SPECC1: variants seen among roughly 807,000 people sequenced by gnomAD.
The protein encoded by SPECC1 is cytospin-B.
SPECC1 carries 62 observed loss-of-function variants against 104.1 expected under a neutral mutation model. The ratio of observed to expected loss-of-function variants is 0.60; its 90% confidence interval spans 0.49 to 0.74. The LOEUF is 0.74. Ranked by LOEUF, SPECC1 falls within the 30% of genes least tolerant of loss-of-function variation. SPECC1 has a pLI of 0.00. For synonymous variants in SPECC1, 513 were observed against 501.6 expected (o/e 1.02, Z -0.30); for missense variants, 1,306 against 1,310.5 (o/e 1.00, Z 0.05).
chr17:20,312,292 A>G (rs2041953577), intron 14 of SPECC1, among the ~76,000 whole-genome samples: 1 of 152,238 alleles, frequency 6.6e-6, no homozygotes, highest in Non-Finnish European at 1.5e-5. Flanking sequence ...CATGCACTAT[A>G]AGATTGTTAC....
chr17:20,254,735 C>T (rs1241013414), intron 10 of SPECC1, among the ~76,000 whole-genome samples: 2 of 149,922 alleles, frequency 1.3e-5, no homozygotes, highest in African/African-American at 5.1e-5. Context: ...AGCCAAAAGT[C>T]TGGGTCACAT....
intron 2 of SPECC1, among the ~76,000 whole-genome samples, chr17:20,101,877 AT>A (rs2047962374): frequency 6.6e-6 from 1 of 152,226 alleles, no homozygotes; most frequent in Non-Finnish European, 1.5e-5. Flanking sequence ...AGATTATGTT[AT>A]GTCTGATGAT....
intron 1 of SPECC1, among the ~76,000 whole-genome samples, chr17:20,080,708 G>C (rs2046936322): frequency 6.6e-6 from 1 of 152,144 alleles, no homozygotes; most frequent in Admixed American, 6.5e-5. Context: ...CATAGGGAAA[G>C]GAAGTCCTCC....
intron 3 of SPECC1, among the ~76,000 whole-genome samples, chr17:20,113,574 A>G (rs940852964): frequency 3.3e-5 from 5 of 152,230 alleles, no homozygotes; most frequent in Non-Finnish European, 7.3e-5. Context: ...TTTACTTTTT[A>G]GAACAAAACA....
chr17:20,261,536 C>A (rs566173314), intron 12 of SPECC1, among the ~76,000 whole-genome samples: 2 of 151,136 alleles, frequency 1.3e-5, no homozygotes, highest in South Asian at 4.2e-4. Context: ...GACACAAGCT[C>A]CCCGAGCAGT....
At chr17:20,301,654 T>TA (rs2041588113) in intron 13 of SPECC1, among the ~76,000 whole-genome samples, 1 of 152,110 alleles carries the variant, frequency 6.6e-6, no homozygotes, top group South Asian at 2.1e-4. Flanking sequence ...AGTAAAGAGA[T>TA]ATATGATCAC....
At chr17:20,160,733 A>G (rs952688353) in intron 3 of SPECC1, among the ~76,000 whole-genome samples, 1 of 152,164 alleles carries the variant, frequency 6.6e-6, no homozygotes, top group African/African-American at 2.4e-5. Context: ...ATGAAATGGT[A>G]GTTACCTCTA....
In SPECC1 at chr17:20,205,719, AT is replaced by A; in HGVS notation, c.1673del (p.Leu558CysfsTer27). 1 of 1,614,196 alleles carries A rather than the reference AT, an allele frequency of 6.2e-7. No individual in the cohort carries two copies. Among genetic ancestry groups the A allele is most frequent in the Non-Finnish European group, 8.5e-7 (1 of 1,180,022 alleles). ...ATGGAGAATGGATCTTTGAAGTCTC[AT>A]TTGCAGGGTGAGAAGCAGAAAGCCA... ...LKMENGSLKS[H>X]LQGEKQKATE... On this transcript the variant is annotated frameshift_variant, in exon 4 of 15. Transcript: ENST00000395527. LOFTEE classifies it high-confidence loss of function.
At chr17:20,260,069 C>T (rs545377123) in intron 11 of SPECC1, 123 bp from the exon 12 acceptor site, 2 of 659,724 alleles carry the variant, frequency 3.0e-6, no homozygotes, top group African/African-American at 3.7e-5. Context: ...TCGGCTGTTT[C>T]TTTAGAATCT....
At chr17:20,209,777 C>A (rs919028853) in intron 4 of SPECC1, among the ~76,000 whole-genome samples, 1 of 152,270 alleles carries the variant, frequency 6.6e-6, no homozygotes, top group Non-Finnish European at 1.5e-5. Flanking sequence ...GTTGTTTTTC[C>A]AGACAATAAC....
intron 12 of SPECC1, among the ~76,000 whole-genome samples, chr17:20,270,450 A>G (rs1195415527): frequency 8.9e-5 from 13 of 145,390 alleles, no homozygotes; most frequent in Non-Finnish European, 1.5e-4. Flanking sequence ...AAAAAAAAAA[A>G]AAAAAAAAAA....
At chr17:20,193,571 CAG>C (rs1567922603) in intron 3 of SPECC1, among the ~76,000 whole-genome samples, 1 of 152,152 alleles carries the variant, frequency 6.6e-6, no homozygotes, top group Non-Finnish European at 1.5e-5. Context: ...GGAGCAGAGT[CAG>C]AAAGCATCAG....
chr17:20,071,658 A>C (rs939508480), intron 1 of SPECC1, among the ~76,000 whole-genome samples: 1 of 152,132 alleles, frequency 6.6e-6, no homozygotes, highest in Non-Finnish European at 1.5e-5. Flanking sequence ...TTGGGGGGCG[A>C]CTGTAACTTT....
rs571904063 is a variant in SPECC1 at position 20,183,055 on chromosome 17, A to T, written c.284-21278A>T. ...TATTAGTACGCTTGTAAACAAATAA[A>T]AGTAAATGCCAAAAGAGGTGGCGGT... On this transcript the variant is annotated intron_variant, in intron 3 of 14. Transcript: ENST00000395527. Among the ~76,000 whole-genome samples the T allele has an allele frequency of 4.5e-4, 69 of 152,372 alleles. No individual in the cohort carries two copies. The South Asian group carries it at 0.014, about 32-fold the overall frequency.
chr17:20,067,711 T>G (rs2046406804), intron 1 of SPECC1, among the ~76,000 whole-genome samples: 2 of 152,090 alleles, frequency 1.3e-5, no homozygotes, highest in African/African-American at 4.8e-5. Flanking sequence ...ATAACATGTA[T>G]TCACTTATAT....
intron 2 of SPECC1, among the ~76,000 whole-genome samples, chr17:20,097,958 C>T (rs2047732328): frequency 6.6e-6 from 1 of 152,082 alleles, no homozygotes; most frequent in Non-Finnish European, 1.5e-5. Flanking sequence ...AAAAATGTGC[C>T]CTCAGATTTT....
At chr17:20,277,742 TC>T (rs1220723290) in intron 12 of SPECC1, among the ~76,000 whole-genome samples, 2 of 152,174 alleles carry the variant, frequency 1.3e-5, no homozygotes, top group African/African-American at 2.4e-5. Context: ...GACTCCATAT[TC>T]CCCGCCCTCA....
intron 1 of SPECC1, among the ~76,000 whole-genome samples, chr17:20,069,179 G>C (rs1187679290): frequency 6.6e-6 from 1 of 152,182 alleles, no homozygotes; most frequent in Admixed American, 6.5e-5. Flanking sequence ...TTTAGCTCTC[G>C]CTAATAAGTG....
chr17:20,063,601 G>A (rs2046263272), intron 1 of SPECC1, among the ~76,000 whole-genome samples: 1 of 152,146 alleles, frequency 6.6e-6, no homozygotes. Context: ...TCATGTAGAG[G>A]AAGGTGGGAA....
Sources: gnomAD v4.1 joint callset for allele counts (sites outside exome capture counted in the v4.1 genomes callset) on GRCh38, gnomAD v4.1.1 for gene constraint, MANE v1.5 for transcripts, NCBI Gene and HGNC (gene_info 2026-07-23, HGNC 2026-07-21) for gene names.